The following HDAC2 variants were observed in gnomAD, a reference collection of about 807,000 sequenced individuals.
HDAC2 encodes histone deacetylase 2.
Under a neutral mutation model 68.5 loss-of-function variants are expected in HDAC2, and 5 were observed. That is an observed-to-expected ratio of 0.07 (90% CI 0.04 to 0.15). The LOEUF (loss-of-function observed/expected upper bound fraction) is 0.15, where lower values mean the gene tolerates loss of function less well. Among genes scored for constraint, HDAC2 ranks in the 10% least tolerant of loss-of-function variants. HDAC2 has a pLI of 1.00. For synonymous variants in HDAC2, 182 were observed against 191.3 expected, an observed-to-expected ratio of 0.95 and a Z score of 0.40; for missense variants, 291 against 600.8, an observed-to-expected ratio of 0.48 and a Z score of 5.39.
intron 5 of HDAC2, among the ~76,000 whole-genome samples, chr6:113,954,580 G>A (rs146844140): frequency 1.1e-3 from 169 of 152,336 alleles, no homozygotes; most frequent in African/African-American, 4.0e-3. Flanking sequence ...CTTGCTCAAA[G>A]AGTTGAAGAC....
chr6:113,933,878 T>C lies in HDAC2; in HGVS notation c.*7180A>G, dbSNP rs1178904953. 6.6e-6 allele frequency: 1 copy of C among 151,974 alleles called. No individual in the cohort carries two copies. Among genetic ancestry groups the C allele is most frequent in the Non-Finnish European group, 1.5e-5 (1 of 67,978 alleles). 9.4% of individuals were successfully genotyped at this position (151,974 alleles called of 1,614,324 possible). ...CTTTTATCCCTTATTCCAATCCTGT[T>C]ATTATTAAGGATTATATTTAACTTT... On this transcript the variant is annotated 3_prime_UTR_variant, in exon 14 of 14. Transcript: ENST00000519065.
chr6:113,948,971 T>C lies in HDAC2; in HGVS notation c.841+8A>G, dbSNP rs531014099. The C allele has an allele frequency of 4.3e-6, 7 of 1,612,086 alleles. No individual in the cohort carries two copies. The highest frequency in any genetic ancestry group is 3.4e-5 in the Admixed American group (2 of 59,632). ...TTTTCTGGAAATACCACCCTTTGAA[T>C]TGCTTACCTTTGACTGTTAGATTGA... is the stretch of plus-strand genomic sequence containing the variant. On this transcript the variant is annotated splice_region_variant and intron_variant, in intron 8 of 13. Coordinates refer to ENST00000519065, the MANE Select transcript of HDAC2 (RefSeq NM_001527.4).
chr6:113,948,687 A>G (rs1038325309), intron 8 of HDAC2: 1 of 297,674 alleles, frequency 3.4e-6, no homozygotes, highest in Non-Finnish European at 6.2e-6. Context: ...ATTAAGTAAA[A>G]AAGTATGCAT....
rs1413877674 is a variant in HDAC2 at position 113,944,386 on chromosome 6, G to A, written c.1116C>T (p.Arg372=). 6.2e-7 allele frequency: 1 copy of A among 1,613,318 alleles called. No homozygotes were observed. The highest frequency in any genetic ancestry group is 1.7e-5 in the Admixed American group (1 of 59,934). ...GGACACCAGGTGCATGAGGTAACAT[G>A]CGCAAATTTTCAAACAAACGCTGTC... ...KIKQRLFENL[R]MLPHAPGVQM... The change falls in exon 11 of 14, where the codon CGC becomes CGT. Residue 372 remains arginine, a synonymous_variant. Transcript: ENST00000519065.
intron 1 of HDAC2, among the ~76,000 whole-genome samples, chr6:113,969,284 G>A (rs1256308403): frequency 1.3e-5 from 2 of 152,288 alleles, no homozygotes; most frequent in East Asian, 3.9e-4. Flanking sequence ...CCTAGCTATC[G>A]CAGATCAATT....
Position 113,970,760 on chromosome 6 carries a change from T to C in HDAC2, c.52+97A>G, listed in dbSNP as rs1426804649. The C allele has an allele frequency of 7.7e-6, 11 of 1,428,972 alleles. No individual in the cohort carries two copies. The African/African-American group carries it at 9.0e-5, about 12-fold the overall frequency. The allele number at this position is 1,428,972 out of a possible 1,614,324, so 88.5% of individuals were successfully genotyped here. ...GCGGCCAAATGTCGGTCCCTCCTCC[T>C]TCCCACCCCTCAGCCCCGGCGCCCA... On this transcript the variant is annotated intron_variant, in intron 1 of 13. Coordinates refer to ENST00000519065, the MANE Select transcript of HDAC2 (RefSeq NM_001527.4).
intron 4 of HDAC2, 175 bp from the exon 5 acceptor site, chr6:113,956,326 G>A (rs918798722): frequency 1.7e-6 from 1 of 584,728 alleles, no homozygotes; most frequent in African/African-American, 1.9e-5. Context: ...TATTCTCCTA[G>A]AGCTGCAACC....
At chr6:113,949,127 T>C (rs771024781) in intron 7 of HDAC2, 40 bp from the exon 8 acceptor site, 16 of 1,608,764 alleles carry the variant, frequency 9.9e-6, no homozygotes, top group Non-Finnish European at 8.5e-7. Flanking sequence ...TCCAATAACA[T>C]TCTGAAATTC....
chr6:113,956,048 A>G lies in HDAC2; in HGVS notation c.462T>C (p.Val154=). 6.2e-7 allele frequency: 1 copy of G among 1,611,338 alleles called. No individual in the cohort carries two copies. The highest frequency in any genetic ancestry group is 1.7e-5 in the Admixed American group (1 of 59,628). ...KKSEASGFCY[V]NDIVLAILEL... ...CAAGGATGGCAAGCACAATATCATT[A>G]ACGTAACAGAATCCTGATGCTTCTG... The change falls in exon 5 of 14, where the codon GTT becomes GTC. Residue 154 remains valine, a synonymous_variant. Transcript: ENST00000519065.
At chr6:113,943,192 G>A (rs898444182) in intron 12 of HDAC2, among the ~76,000 whole-genome samples, 159 bp downstream of exon 12, 4 of 151,980 alleles carry the variant, frequency 2.6e-5, no homozygotes, top group African/African-American at 9.7e-5. Context: ...AAAGCTTTAA[G>A]AGCTAAGTAC....
chr6:113,968,856 A>T (rs1190722119), intron 1 of HDAC2, among the ~76,000 whole-genome samples: 2 of 152,144 alleles, frequency 1.3e-5, no homozygotes, highest in African/African-American at 4.8e-5. Context: ...AGAAACTGCT[A>T]CTCAAGTGTA....
chr6:113,970,790 C>G (rs1216867915), intron 1 of HDAC2, 67 bp downstream of exon 1: 1 of 1,446,756 alleles, frequency 6.9e-7, no homozygotes, highest in East Asian at 2.6e-5. Context: ...CGCCCACTCG[C>G]GACGGCAGCC....
Position 113,963,032 on chromosome 6 carries a change from T to G in HDAC2, c.53-3014A>C, listed in dbSNP as rs115348017. Among the ~76,000 whole-genome samples the G allele has an allele frequency of 2.3e-3, 354 of 152,128 alleles. 1 individual carries two copies. The highest frequency in any genetic ancestry group is 8.3e-3 in the African/African-American group (343 of 41,508). On this transcript the variant is annotated intron_variant, in intron 1 of 13. Coordinates refer to ENST00000519065, the MANE Select transcript of HDAC2 (RefSeq NM_001527.4). ...TATAAAATAACCATCTCCAACTTTT[T>G]CCCACTAATTCTGTATCTCACAATT...
chr6:113,965,911 A>C (rs1776803652), intron 1 of HDAC2, among the ~76,000 whole-genome samples: 1 of 152,236 alleles, frequency 6.6e-6, no homozygotes, highest in Non-Finnish European at 1.5e-5. Flanking sequence ...ATTTATTAAC[A>C]TTCCCTAAGA....
rs1427752170 is a variant in HDAC2, at chr6:113,933,661, G to A, written c.*7397C>T. 1 of 151,980 alleles carries A rather than the reference G, an allele frequency of 6.6e-6. No individual in the cohort carries two copies. The highest frequency in any genetic ancestry group is 2.4e-5 in the African/African-American group (1 of 41,360). 9.4% of individuals were successfully genotyped at this position (151,980 alleles called of 1,614,324 possible). A position where few individuals can be genotyped will look rare whatever the true frequency, so the allele number is the denominator to read the frequency against. ...ACACTGGAGATTAATCCCCAGTGGA[G>A]TGTAAGACAAACAAAACCCTTGCCC... On this transcript the variant is annotated 3_prime_UTR_variant, in exon 14 of 14. Transcript: ENST00000519065.
chr6:113,965,259 T>A (rs961367819), intron 1 of HDAC2, among the ~76,000 whole-genome samples: 3 of 152,210 alleles, frequency 2.0e-5, no homozygotes, highest in African/African-American at 7.2e-5. Context: ...GCTTTGCTAT[T>A]TGTAATATCT....
chr6:113,941,901 G>C lies in HDAC2; in HGVS notation c.1379-136C>G, dbSNP rs568433707. On this transcript the variant is annotated intron_variant, in intron 12 of 13. Transcript: ENST00000519065. Reference sequence around the variant, plus strand: ...TTATTAATGAATTCGGTCTAAATAAGCTTTGTGTTGGGTGTTTCCTAAACG... The same window carrying C: ...TTATTAATGAATTCGGTCTAAATAACCTTTGTGTTGGGTGTTTCCTAAACG... The C allele has an allele frequency of 2.1e-5, 6 of 284,460 alleles. No individual in the cohort carries two copies. In the South Asian group the frequency reaches 7.5e-4, roughly 36 times the overall value. The allele number at this position is 284,460 out of a possible 1,614,324, so 17.6% of individuals were successfully genotyped here. A position where few individuals can be genotyped will look rare whatever the true frequency, so the allele number is the denominator to read the frequency against.
At chr6:113,958,304 T>C (rs1257835949) in intron 3 of HDAC2, 1 of 184,176 alleles carries the variant, frequency 5.4e-6, no homozygotes, top group Non-Finnish European at 1.1e-5. Context: ...GATATGTACA[T>C]GCCAAGCTAA....
rs761372809 is a variant in HDAC2, at chr6:113,940,181, A to G, written c.*877T>C. The G allele has an allele frequency of 4.6e-5, 7 of 152,324 alleles. No homozygotes were observed. Among genetic ancestry groups the G allele is most frequent in the Middle Eastern group, 3.4e-3 (1 of 294 alleles). 9.4% of individuals were successfully genotyped at this position (152,324 alleles called of 1,614,324 possible). A position where few individuals can be genotyped will look rare whatever the true frequency, so the allele number is the denominator to read the frequency against. On this transcript the variant is annotated 3_prime_UTR_variant, in exon 14 of 14. Coordinates refer to ENST00000519065, the MANE Select transcript of HDAC2 (RefSeq NM_001527.4). ...CAGTCTTAAAATGGGCAGACACACA[A>G]TAAGTAGTTGCTGAATGATAAATCA...
Sources: gnomAD v4.1 joint callset for allele counts (sites outside exome capture counted in the v4.1 genomes callset) on GRCh38, gnomAD v4.1.1 for gene constraint, MANE v1.5 for transcripts, NCBI Gene and HGNC (gene_info 2026-07-23, HGNC 2026-07-21) for gene names.